Variants in ANXA4 observed in about 807,000 individuals in gnomAD.
The protein encoded by ANXA4 is annexin A4, also known as 35-beta calcimedin.
Under a neutral mutation model 49.8 loss-of-function variants are expected in ANXA4, and 39 were observed. That is an observed-to-expected ratio of 0.78 (90% CI 0.61 to 1.02). ANXA4 has a LOEUF of 1.02. Among genes scored for constraint, ANXA4 ranks in the 50% least tolerant of loss-of-function variants. The probability of loss-of-function intolerance (pLI) is 0.00; values close to 1 mark genes in which losing one functional copy is unlikely to be tolerated. For missense variants in ANXA4, 360 were observed against 410.1 expected (o/e 0.88, Z 1.05); for synonymous variants, 134 against 152.5 (o/e 0.88, Z 0.89).
chr2:69,821,712 A>G (rs1474004560), intron 12 of ANXA4, among the ~76,000 whole-genome samples: 1 of 152,070 alleles, frequency 6.6e-6, no homozygotes, highest in African/African-American at 2.4e-5. Context: ...TCGGCCTCCC[A>G]AAGTGCTGGG....
At chr2:69,804,137 CAAAAAA>C (rs377321563) in intron 3 of ANXA4, among the ~76,000 whole-genome samples, 9 of 88,854 alleles carry the variant, frequency 1.0e-4, no homozygotes, top group African/African-American at 2.1e-4. Flanking sequence ...GACTTTCTCT[CAAAAAA>C]AAAAAAAAAA....
chr2:69,679,399 A>G (rs1305279671), intron 2 of ANXA4, among the ~76,000 whole-genome samples: 1 of 152,252 alleles, frequency 6.6e-6, no homozygotes, highest in Non-Finnish European at 1.5e-5. Context: ...TAATCTGGAT[A>G]TAATTCCCTT....
chr2:69,644,451 C>T (rs1675919654), exon 1 of ANXA4: 1 of 152,272 alleles, frequency 6.6e-6, no homozygotes, highest in Non-Finnish European at 1.5e-5. Context: ...CCCTTCCGCC[C>T]CTAACCTCAA....
intron 12 of ANXA4, 146 bp downstream of exon 12, chr2:69,820,967 T>A: frequency 2.1e-6 from 2 of 934,976 alleles, no homozygotes; most frequent in Non-Finnish European, 3.0e-6. Flanking sequence ...TCTCTCCTCT[T>A]TCACACAGAT....
At chr2:69,723,792 C>T (rs1462220321) in intron 3 of ANXA4, among the ~76,000 whole-genome samples, 1 of 152,216 alleles carries the variant, frequency 6.6e-6, no homozygotes, top group African/African-American at 2.4e-5. Context: ...TCAAGTCATC[C>T]TCCCACGTTG....
At chr2:69,690,090 G>C (rs1355976579) in intron 2 of ANXA4, among the ~76,000 whole-genome samples, 1 of 152,000 alleles carries the variant, frequency 6.6e-6, no homozygotes, top group African/African-American at 2.4e-5. Flanking sequence ...GTAGTACTCT[G>C]CCATGTGAAC....
chr2:69,708,589 G>A (rs1391137157), intron 2 of ANXA4, among the ~76,000 whole-genome samples: 8 of 151,774 alleles, frequency 5.3e-5, no homozygotes, highest in African/African-American at 1.5e-4. Flanking sequence ...TTTTTTTATC[G>A]GGGAGACAGA....
intron 3 of ANXA4, among the ~76,000 whole-genome samples, chr2:69,726,936 G>T (rs1243652424): frequency 6.6e-6 from 1 of 152,180 alleles, no homozygotes; most frequent in African/African-American, 2.4e-5. Context: ...AGGCTGGAGT[G>T]CAGTGGCATG....
chr2:69,790,203 C>T (rs1031785061), intron 3 of ANXA4, among the ~76,000 whole-genome samples: 3 of 152,130 alleles, frequency 2.0e-5, no homozygotes, highest in African/African-American at 7.2e-5. Flanking sequence ...TAAATGTCTA[C>T]CTAAATCATT....
At chr2:69,680,779 C>T (rs1260118391) in intron 2 of ANXA4, among the ~76,000 whole-genome samples, 1 of 152,142 alleles carries the variant, frequency 6.6e-6, no homozygotes, top group Non-Finnish European at 1.5e-5. Context: ...TTTTGTCCTT[C>T]ATTCTGTTGA....
chr2:69,815,286 A>G (rs550140436), intron 8 of ANXA4: 25 of 152,350 alleles, frequency 1.6e-4, no homozygotes, highest in African/African-American at 5.8e-4. Flanking sequence ...GGTGAATTAG[A>G]TGAACGCTTT....
At chr2:69,662,992 CTTTT>C (rs746269236) in intron 2 of ANXA4, among the ~76,000 whole-genome samples, 2 of 123,194 alleles carry the variant, frequency 1.6e-5, no homozygotes, top group South Asian at 2.7e-4. Context: ...TTTTCTTTTT[CTTTT>C]TTTTTTTTTT....
chr2:69,807,017 A>G (rs1673469584), intron 5 of ANXA4, among the ~76,000 whole-genome samples: 1 of 152,256 alleles, frequency 6.6e-6, no homozygotes, highest in Admixed American at 6.5e-5. Context: ...TTTTTAAAAA[A>G]GAAAGAAACT....
chr2:69,730,051 A>G (rs1176916426), intron 3 of ANXA4, among the ~76,000 whole-genome samples: 1 of 152,196 alleles, frequency 6.6e-6, no homozygotes, highest in Admixed American at 6.5e-5. Context: ...TACATTCTCC[A>G]GGGAGGGGCC....
At position 69,826,970 on chromosome 2, in the gene ANXA4, G is replaced by T. The variant is rs928194836; in HGVS notation, c.*1455G>T. 3.3e-5 allele frequency: 5 copies of T among 152,032 alleles called. No homozygotes were observed. The highest frequency in any genetic ancestry group is 1.2e-4 in the African/African-American group (5 of 41,388). The allele number at this position is 152,032 out of a possible 1,614,324, so 9.4% of individuals were successfully genotyped here. A position where few individuals can be genotyped will look rare whatever the true frequency, so the allele number is the denominator to read the frequency against. ...TATTTAGTCTTATGCGTGCCTACTG[G>T]CTAATGTTCACATATGCCAAACACT... On this transcript the variant is annotated 3_prime_UTR_variant, in exon 13 of 13. Transcript: ENST00000394295.
chr2:69,679,742 G>A (rs993316003), intron 2 of ANXA4, among the ~76,000 whole-genome samples: 1 of 152,162 alleles, frequency 6.6e-6, no homozygotes, highest in Non-Finnish European at 1.5e-5. Flanking sequence ...AATTTTCTAA[G>A]CACCAATTAT....
intron 2 of ANXA4, among the ~76,000 whole-genome samples, chr2:69,683,945 C>T (rs1489985976): frequency 6.6e-6 from 1 of 152,092 alleles, no homozygotes; most frequent in Non-Finnish European, 1.5e-5. Flanking sequence ...ATAAGGGCAA[C>T]TTAGAGAGTT....
rs72906939 is a variant in ANXA4 at position 69,801,450 on chromosome 2, T to A, written c.98-3083T>A. 5.5e-3 allele frequency among the ~76,000 whole-genome samples: 843 copies of A among 152,026 alleles called. 8 individuals are homozygous for A. The highest frequency in any genetic ancestry group is 0.02 in the African/African-American group (812 of 41,480). The stretch of plus-strand genomic sequence containing the variant: ...TGGGGCCTCGCTCTGTCACTCAGGC[T>A]GTGGCATGCACTGGCATGATCTTGG... On this transcript the variant is annotated intron_variant, in intron 3 of 12. Coordinates refer to ENST00000394295, the MANE Select transcript of ANXA4 (RefSeq NM_001153.5).
chr2:69,818,506 AG>A (rs1300591420), intron 9 of ANXA4, 92 bp from the exon 10 acceptor site: 1 of 698,404 alleles, frequency 1.4e-6, no homozygotes, highest in Non-Finnish European at 2.3e-6. Flanking sequence ...AAGAATAAAT[AG>A]TGTAGGCTAG....
Sources: gnomAD v4.1 joint callset for allele counts (sites outside exome capture counted in the v4.1 genomes callset) on GRCh38, gnomAD v4.1.1 for gene constraint, MANE v1.5 for transcripts, NCBI Gene and HGNC (gene_info 2026-07-23, HGNC 2026-07-21) for gene names.